RCC2: variants seen among roughly 807,000 people sequenced by gnomAD.
The protein encoded by RCC2 is regulator of chromosome condensation 2.
RCC2 carries 19 observed loss-of-function variants against 64.1 expected under a neutral mutation model. That is an observed-to-expected ratio of 0.30 (90% confidence interval 0.21 to 0.44). The LOEUF (loss-of-function observed/expected upper bound fraction) is 0.44. Ranked by LOEUF, RCC2 falls within the 20% of genes least tolerant of loss-of-function variation. The probability of loss-of-function intolerance (pLI) is 1.00; values close to 1 mark genes in which losing one functional copy is unlikely to be tolerated. For missense variants in RCC2, 508 were observed against 710.4 expected (o/e 0.72, Z 3.24); for synonymous variants, 325 against 279.6 (o/e 1.16, Z -1.62).
chr1:17,431,499 C>CAAAAA (rs558362245), intron 2 of RCC2, among the ~76,000 whole-genome samples: 14 of 57,872 alleles, frequency 2.4e-4, no homozygotes, highest in African/African-American at 3.7e-4. Flanking sequence ...AGCCCTGTCT[C>CAAAAA]AAAAAAAAAA....
At chr1:17,416,081 G>A (rs1270078818) in intron 8 of RCC2, among the ~76,000 whole-genome samples, 20 of 113,708 alleles carry the variant, frequency 1.8e-4, no homozygotes, top group Middle Eastern at 4.5e-3. Context: ...AAAAAAAAGG[G>A]GGGGGGGGCG....
intron 7 of RCC2, among the ~76,000 whole-genome samples, chr1:17,419,794 G>A (rs992723727): frequency 6.6e-6 from 1 of 152,244 alleles, no homozygotes; most frequent in Non-Finnish European, 1.5e-5. Context: ...GGGCACCGCA[G>A]CAGGGCTGTG....
At chr1:17,416,701 CAG>C (rs1424381046) in intron 7 of RCC2, 55 bp from the exon 8 acceptor site, 1 of 1,556,484 alleles carries the variant, frequency 6.4e-7, no homozygotes, top group African/African-American at 1.3e-5. Context: ...AGGGACGTGT[CAG>C]TGTGCTCACA....
At chr1:17,420,095 G>C (rs1006721240) in intron 7 of RCC2, among the ~76,000 whole-genome samples, 5 of 152,188 alleles carry the variant, frequency 3.3e-5, no homozygotes, top group African/African-American at 9.6e-5. Flanking sequence ...AGCCACAACC[G>C]GGAAGCGCAC....
intron 7 of RCC2, among the ~76,000 whole-genome samples, chr1:17,417,881 G>C (rs1278667903): frequency 1.3e-5 from 2 of 151,952 alleles, no homozygotes; most frequent in African/African-American, 4.8e-5. Context: ...AAAATATCTG[G>C]GGGGAGGAGG....
chr1:17,427,640 G>A (rs994296798), intron 3 of RCC2, among the ~76,000 whole-genome samples: 3 of 152,136 alleles, frequency 2.0e-5, no homozygotes, highest in Non-Finnish European at 2.9e-5. Flanking sequence ...GCCACGGGAC[G>A]CCAGGCAAGG....
At position 17,420,760 on chromosome 1, in the gene RCC2, G is replaced by A; in HGVS notation, c.813C>T (p.Cys271=). The change falls in exon 7 of 13, where the codon TGC becomes TGT. Residue 271 remains cysteine, a synonymous_variant. Transcript: ENST00000375436. ...CGAEFSMIMD[C]KGNLYSFGCP... ...ACCCAAAGGAATAGAGGTTTCCTTTGCAGTCCATTATCATACTGAATTCAG... is the reference window on the plus strand; with the variant it reads ...ACCCAAAGGAATAGAGGTTTCCTTTACAGTCCATTATCATACTGAATTCAG... The A allele has an allele frequency of 6.2e-7, 1 of 1,612,156 alleles. No homozygotes were observed. The highest frequency in any genetic ancestry group is 8.5e-7 in the Non-Finnish European group (1 of 1,179,586).
intron 2 of RCC2, among the ~76,000 whole-genome samples, chr1:17,437,291 C>A (rs988006275): frequency 6.6e-6 from 1 of 152,218 alleles, no homozygotes; most frequent in African/African-American, 2.4e-5. Context: ...AGGCTCTACA[C>A]CCCAGGTGGA....
At chr1:17,429,003 G>A in intron 3 of RCC2, 103 bp downstream of exon 3, 1 of 921,794 alleles carries the variant, frequency 1.1e-6, no homozygotes, top group Non-Finnish European at 1.8e-6. Flanking sequence ...TGGCCTCTGT[G>A]AAAATGCATT....
chr1:17,413,252 G>T, intron 9 of RCC2, 74 bp from the exon 10 acceptor site: 1 of 1,112,314 alleles, frequency 9.0e-7, no homozygotes, highest in Non-Finnish European at 1.3e-6. Flanking sequence ...TATTATCAGG[G>T]TGAAAAGAGG....
Position 17,438,359 on chromosome 1 carries a change from G to T in RCC2, c.156C>A (p.Gly52=). ...CGTCGAGCTCCAGGCCGTCCTCGTCGCCGCTGCTGCCGCCGCCGCTGCTGC... is the reference window on the plus strand; with the variant it reads ...CGTCGAGCTCCAGGCCGTCCTCGTCTCCGCTGCTGCCGCCGCCGCTGCTGC... ...CSSSSGGGSS[G]DEDGLELDGA... is the part of the protein sequence containing the mutation. Residue 52 remains glycine, a synonymous_variant, in exon 2 of 13, where the codon GGC becomes GGA. Coordinates refer to ENST00000375436, the MANE Select transcript of RCC2 (RefSeq NM_018715.4). The T allele has an allele frequency of 8.1e-7, 1 of 1,237,326 alleles. No homozygotes were observed. The highest frequency in any genetic ancestry group is 3.4e-5 in the East Asian group (1 of 29,014). The allele number at this position is 1,237,326 out of a possible 1,614,324, so 76.6% of individuals were successfully genotyped here. A position where few individuals can be genotyped will look rare whatever the true frequency, so the allele number is the denominator to read the frequency against.
chr1:17,431,359 A>AAAAAATAT (rs1553158471), intron 2 of RCC2, among the ~76,000 whole-genome samples: 2 of 44,930 alleles, frequency 4.5e-5, no homozygotes, highest in African/African-American at 2.1e-4. Flanking sequence ...AAAAAAAAAA[A>AAAAAATAT]ATATATATAT....
At chr1:17,420,973 A>G in intron 6 of RCC2, 145 bp from the exon 7 acceptor site, 1 of 620,682 alleles carries the variant, frequency 1.6e-6, no homozygotes, top group Non-Finnish European at 2.9e-6. Context: ...AGCTGAAGGC[A>G]TTTCTAGAAC....
chr1:17,434,846 C>T (rs1297179987), intron 2 of RCC2, among the ~76,000 whole-genome samples: 1 of 152,228 alleles, frequency 6.6e-6, no homozygotes, highest in African/African-American at 2.4e-5. Flanking sequence ...GGCGTGGTGG[C>T]TCACGCCTGT....
At chr1:17,437,805 C>T (rs1055467179) in intron 2 of RCC2, among the ~76,000 whole-genome samples, 1 of 146,144 alleles carries the variant, frequency 6.8e-6, no homozygotes, top group South Asian at 2.1e-4. Context: ...CGCCCGGGCG[C>T]AGCGGCGGCC....
intron 7 of RCC2, among the ~76,000 whole-genome samples, chr1:17,418,148 A>T (rs1344210839): frequency 6.6e-6 from 1 of 151,820 alleles, no homozygotes; most frequent in African/African-American, 2.4e-5. Flanking sequence ...ACTACGCTAC[A>T]CACAATAAAA....
Position 17,425,562 on chromosome 1 carries a change from C to A in RCC2, c.502G>T (p.Glu168Ter). 1 of 1,613,148 alleles carries A rather than the reference C, an allele frequency of 6.2e-7. No homozygotes were observed. Among genetic ancestry groups the A allele is most frequent in the East Asian group, 2.2e-5 (1 of 44,836 alleles). The change falls in exon 4 of 13, where the codon GAA becomes TAA. Residue 168 changes from glutamate to a stop codon, truncating the protein, a stop_gained. Transcript: ENST00000375436. LOFTEE classifies it high-confidence loss of function. ...TCACCCCAGCTCCACAGCTTCCCTT[C>A]CGTGGTGATGAGGAGGCTGTGTGCA... ...CAAHSLLITTEGKLWSWGRNE... is the reference protein window; with the variant it reads ...CAAHSLLITT
Position 17,438,476 on chromosome 1 carries a change from C to A in RCC2, c.39G>T (p.Glu13Asp). Residue 13 changes from glutamate to aspartate, a missense_variant, in exon 2 of 13, where the codon GAG becomes GAT. Glu to Asp is a conservative substitution (Grantham distance 45, BLOSUM62 2). This residue lies in a region of RCC2 where 195 missense variants were observed against 158.3 expected (regional missense o/e 1.23). Transcript: ENST00000375436. ...RKKAAAAAWE[E>D]PSSGNGTARA... ...GGGCAGTGCCGTTGCCCGAGCTCGG[C>A]TCCTCCCAGGCCGCCGCCGCCGCCT... 7.4e-7 allele frequency: 1 copy of A among 1,343,324 alleles called. No homozygotes were observed. Among genetic ancestry groups the A allele is most frequent in the Non-Finnish European group, 9.5e-7 (1 of 1,051,454 alleles). 83.2% of individuals were successfully genotyped at this position (1,343,324 alleles called of 1,614,324 possible). A position where few individuals can be genotyped will look rare whatever the true frequency, so the allele number is the denominator to read the frequency against.
intron 2 of RCC2, among the ~76,000 whole-genome samples, chr1:17,437,699 G>C (rs1292685113): frequency 1.4e-5 from 2 of 146,674 alleles, no homozygotes; most frequent in African/African-American, 2.4e-5. Context: ...GTCAGGCCCC[G>C]CCCCCCCCGG....
Sources: gnomAD v4.1 joint callset for allele counts (sites outside exome capture counted in the v4.1 genomes callset) on GRCh38, gnomAD v4.1.1 for gene constraint, gnomAD v4.1.1 regional missense constraint, MANE v1.5 for transcripts, NCBI Gene and HGNC (gene_info 2026-07-23, HGNC 2026-07-21) for gene names.